Variants in FAAH2 observed in about 807,000 individuals in gnomAD.
FAAH2 encodes fatty acid amide hydrolase 2, also known as fatty-acid amide hydrolase 2.
Under a neutral mutation model 36.9 loss-of-function variants are expected in FAAH2, and 60 were observed. The ratio of observed to expected loss-of-function variants is 1.63; its 90% confidence interval spans 1.32 to 2.02. The LOEUF is 2.02. FAAH2 is among the 30% of genes most tolerant of loss of function. FAAH2 has a pLI of 0.00. For synonymous variants in FAAH2, 214 were observed against 143.8 expected (o/e 1.49, Z -3.49); for missense variants, 689 against 397.5 (o/e 1.73, Z -6.23).
intron 10 of FAAH2, among the ~76,000 whole-genome samples, chrX:57,467,541 C>T (rs758098111): frequency 2.8e-4 from 31 of 111,609 alleles, no homozygotes; most frequent in Middle Eastern, 4.6e-3. Flanking sequence ...AAGGTGACAG[C>T]GAGGCTGGAG....
At chrX:57,125,834 G>A in the FAAH2 span, among the ~76,000 whole-genome samples, 6 of 111,659 alleles carry the variant, frequency 5.4e-5, no homozygotes, top group Non-Finnish European at 1.1e-4. Context: ...GTACAGCTTT[G>A]TGTATGTAAA....
chrX:57,148,795 A>AT, the FAAH2 span, among the ~76,000 whole-genome samples: 5 of 111,101 alleles, frequency 4.5e-5, no homozygotes, highest in Middle Eastern at 4.7e-3. Flanking sequence ...TTCCAACACT[A>AT]GTTGAATAGG....
intron 5 of FAAH2, among the ~76,000 whole-genome samples, chrX:57,352,095 CATAT>C (rs57909192): frequency 0.58 from 26,221 of 44,978 alleles, 8,722 homozygotes; most frequent in Non-Finnish European, 0.69. Context: ...TATATATGCA[CATAT>C]ATATATATGT....
intron 5 of FAAH2, among the ~76,000 whole-genome samples, chrX:57,349,330 CATAT>C (rs776973368): frequency 1.4e-3 from 132 of 95,500 alleles, no homozygotes; most frequent in Non-Finnish European, 2.3e-3. Context: ...CATATATACA[CATAT>C]ATAATGTTTT....
At chrX:57,420,895 A>G (rs1156448150) in intron 7 of FAAH2, among the ~76,000 whole-genome samples, 2 of 111,900 alleles carry the variant, frequency 1.8e-5, no homozygotes, top group Non-Finnish European at 3.8e-5. Context: ...GATACGTCCC[A>G]TCAGTACCTA....
chrX:57,159,179 G>A, the FAAH2 span, among the ~76,000 whole-genome samples: 1 of 111,584 alleles, frequency 9.0e-6, no homozygotes, highest in Non-Finnish European at 1.9e-5. Flanking sequence ...TGAGGGCTCT[G>A]TTCTGTTCCA....
the FAAH2 span, among the ~76,000 whole-genome samples, chrX:57,150,695 G>A: frequency 8.9e-6 from 1 of 112,009 alleles, no homozygotes; most frequent in African/African-American, 3.3e-5. Context: ...GCACACTGAT[G>A]GGTCTTGACT....
chrX:57,190,621 C>T, the FAAH2 span, among the ~76,000 whole-genome samples: 1 of 110,395 alleles, frequency 9.1e-6, no homozygotes, highest in Non-Finnish European at 1.9e-5. Context: ...TGCAGTTCCT[C>T]ATGGCTTCCT....
chrX:57,217,069 T>G, the FAAH2 span, among the ~76,000 whole-genome samples: 3 of 111,572 alleles, frequency 2.7e-5, no homozygotes. Flanking sequence ...GCCATTTGTA[T>G]ATCTTCTTTT....
At chrX:57,366,464 C>T (rs974730589) in intron 5 of FAAH2, among the ~76,000 whole-genome samples, 3 of 112,420 alleles carry the variant, frequency 2.7e-5, no homozygotes, top group South Asian at 3.7e-4. Context: ...CACTAACAGA[C>T]GCTGCTAGCA....
chrX:57,155,681 G>T, the FAAH2 span, among the ~76,000 whole-genome samples: 1 of 112,340 alleles, frequency 8.9e-6, no homozygotes, highest in Non-Finnish European at 1.9e-5. Flanking sequence ...TTTGGGTTCA[G>T]TTGGAACTGT....
rs373403938 is a variant in FAAH2 at position 57,373,548 on chromosome X, G to A, written c.743-5103G>A. Among the ~76,000 whole-genome samples, 5 of 110,905 alleles carry A rather than the reference G, an allele frequency of 4.5e-5. No individual in the cohort carries two copies. The East Asian group carries it at 8.5e-4, about 19-fold the overall frequency. On this transcript the variant is annotated intron_variant, in intron 5 of 10. Coordinates refer to ENST00000374900, the MANE Select transcript of FAAH2 (RefSeq NM_174912.4). ...CTGCTTTTGAGAATTGTCTATTCAT[G>A]TCCTTACCCCATTTTTGATGGCATT...
chrX:57,302,319 T>G (rs773793673), intron 2 of FAAH2, among the ~76,000 whole-genome samples: 1 of 112,008 alleles, frequency 8.9e-6, no homozygotes, highest in Non-Finnish European at 1.9e-5. Flanking sequence ...CCCTCAAAAT[T>G]TATAGTTTTA....
intron 5 of FAAH2, among the ~76,000 whole-genome samples, chrX:57,377,990 T>A (rs750818184): frequency 8.0e-5 from 9 of 112,289 alleles, no homozygotes; most frequent in Admixed American, 2.8e-4. Context: ...TGATTTTGTA[T>A]CCTGAGACTT....
the FAAH2 span, among the ~76,000 whole-genome samples, chrX:57,156,780 G>A: frequency 9.0e-6 from 1 of 111,543 alleles, no homozygotes; most frequent in African/African-American, 3.3e-5. Flanking sequence ...CTGGAGTTGG[G>A]GGAGAGGTGA....
rs78211713 is a variant in FAAH2, at chrX:57,363,369, A to G, written c.743-15282A>G. ...TTACATTCTTCATTTGGCTCTCAGC[A>G]TGAACATTATTGGTGTATAAAAGTA... On this transcript the variant is annotated intron_variant, in intron 5 of 10. Coordinates refer to ENST00000374900, the MANE Select transcript of FAAH2 (RefSeq NM_174912.4). 2.0e-4 allele frequency among the ~76,000 whole-genome samples: 22 copies of G among 111,689 alleles called. No individual in the cohort carries two copies. In the East Asian group the frequency reaches 6.2e-3, roughly 31 times the overall value.
At chrX:57,198,625 C>T in the FAAH2 span, among the ~76,000 whole-genome samples, 1 of 112,400 alleles carries the variant, frequency 8.9e-6, no homozygotes, top group African/African-American at 3.2e-5. Context: ...ATATTTAATG[C>T]TTGGTCAAAA....
the FAAH2 span, among the ~76,000 whole-genome samples, chrX:57,237,583 A>C: frequency 6.3e-5 from 7 of 111,221 alleles, no homozygotes; most frequent in African/African-American, 2.3e-4. Context: ...CATGACAAAG[A>C]GATATATAAA....
At chrX:57,248,559 G>A in the FAAH2 span, among the ~76,000 whole-genome samples, 1 of 109,402 alleles carries the variant, frequency 9.1e-6, no homozygotes, top group African/African-American at 3.3e-5. Flanking sequence ...TTTGAGAACA[G>A]CCTGATCAAC....
Sources: allele counts gnomAD v4.1 joint callset (sites outside exome capture counted in the v4.1 genomes callset), GRCh38; gene constraint gnomAD v4.1.1; transcripts MANE v1.5; gene names NCBI Gene and HGNC (gene_info 2026-07-23, HGNC 2026-07-21).